Variants in GPHN observed in about 807,000 individuals in gnomAD.
GPHN encodes gephyrin.
Under a neutral mutation model 95.5 loss-of-function variants are expected in GPHN, and 17 were observed. The observed-to-expected ratio is 0.18, with a 90% CI of 0.12 to 0.27. GPHN has a LOEUF of 0.27. Among genes scored for constraint, GPHN ranks in the 10% least tolerant of loss-of-function variants. GPHN has a pLI of 1.00. For synonymous variants in GPHN, 320 were observed against 322.5 expected (o/e 0.99, Z 0.08); for missense variants, 660 against 978.1 (o/e 0.67, Z 4.34).
intron 11 of GPHN, among the ~76,000 whole-genome samples, chr14:67,070,715 A>AATATATATATATATATATATATATATAT (rs1555482658): frequency 2.5e-5 from 2 of 80,702 alleles, no homozygotes; most frequent in African/African-American, 2.5e-4. Flanking sequence ...AAAAAAAAAA[A>AATATATATATATATATATATATATATAT]ATATATATAT....
At chr14:67,249,559 GGA>G in the GPHN span, among the ~76,000 whole-genome samples, 2 of 152,166 alleles carry the variant, frequency 1.3e-5, no homozygotes, top group African/African-American at 4.8e-5. Flanking sequence ...AAATAATTAA[GGA>G]GAGTCAGGTT....
the GPHN span, among the ~76,000 whole-genome samples, chr14:67,205,778 T>C: frequency 1.1e-4 from 17 of 152,200 alleles, no homozygotes; most frequent in African/African-American, 3.9e-4. Flanking sequence ...CGAAGTCTCC[T>C]GTGTAAGGGA....
At chr14:67,553,609 G>A in the GPHN span, among the ~76,000 whole-genome samples, 1 of 152,316 alleles carries the variant, frequency 6.6e-6, no homozygotes, top group Non-Finnish European at 1.5e-5. Context: ...AAGAGGGAAG[G>A]GTTATGCAGT....
chr14:67,029,361 G>A (rs1391739216), intron 10 of GPHN, among the ~76,000 whole-genome samples: 1 of 149,934 alleles, frequency 6.7e-6, no homozygotes, highest in East Asian at 2.0e-4. Context: ...TTTTGAGATG[G>A]AATTTTGCTC....
chr14:66,608,321 TGTTTTTATTGCACTGTG>T (rs2062637310), intron 1 of GPHN, among the ~76,000 whole-genome samples: 1 of 152,134 alleles, frequency 6.6e-6, no homozygotes, highest in Admixed American at 6.5e-5. Flanking sequence ...TGTTGGTTTT[TGTTTTTATTGCACTGTG>T]ATGTGAGAAC....
the GPHN span, among the ~76,000 whole-genome samples, chr14:67,414,965 C>G: frequency 6.6e-6 from 1 of 152,218 alleles, no homozygotes; most frequent in South Asian, 2.1e-4. Context: ...TAACAGAGCT[C>G]AAGGCTGGCT....
chr14:67,555,567 A>C, the GPHN span, among the ~76,000 whole-genome samples: 1 of 152,180 alleles, frequency 6.6e-6, no homozygotes, highest in South Asian at 2.1e-4. Flanking sequence ...ACCCTCCATC[A>C]GGACAAAAGA....
intron 1 of GPHN, among the ~76,000 whole-genome samples, chr14:66,562,243 G>T (rs1235172170): frequency 6.6e-6 from 1 of 152,234 alleles, no homozygotes; most frequent in East Asian, 1.9e-4. Context: ...TCAGTTAGAT[G>T]AATAAATTCT....
the GPHN span, among the ~76,000 whole-genome samples, chr14:67,259,748 AAAAAT>A: frequency 1.3e-5 from 2 of 152,014 alleles, no homozygotes; most frequent in Non-Finnish European, 2.9e-5. Flanking sequence ...CATCTATACA[AAAAAT>A]AAAATAAAAT....
intron 1 of GPHN, among the ~76,000 whole-genome samples, chr14:66,613,236 T>A (rs1473381730): frequency 6.6e-6 from 1 of 152,118 alleles, no homozygotes; most frequent in African/African-American, 2.4e-5. Flanking sequence ...TACTATATAT[T>A]GTTGTTTCAT....
In GPHN at chr14:66,984,515, T is replaced by C. The variant is rs909183523; in HGVS notation, c.963+19190T>C. On this transcript the variant is annotated intron_variant, in intron 9 of 22. Coordinates refer to ENST00000478722, the MANE Select transcript of GPHN (RefSeq NM_020806.5). ...TTGATGCAACTCTTATATAGCAATA[T>C]GCTTTTATTCAAAACGAAAATTCCA... 3.9e-5 allele frequency among the ~76,000 whole-genome samples: 6 copies of C among 152,246 alleles called. No homozygotes were observed. In the South Asian group the frequency reaches 1.2e-3, roughly 31 times the overall value.
At chr14:67,571,937 G>A in the GPHN span, 1 of 1,575,206 alleles carries the variant, frequency 6.3e-7, no homozygotes, top group Non-Finnish European at 8.6e-7. Flanking sequence ...GGGTGCAGCA[G>A]CAAGGAGCCC....
the GPHN span, among the ~76,000 whole-genome samples, chr14:67,322,261 T>C: frequency 4.0e-3 from 606 of 151,994 alleles, 5 homozygotes; most frequent in Non-Finnish European, 5.9e-3. Flanking sequence ...GGTGGGAAAA[T>C]CGCCTGAGCC....
At chr14:67,244,633 T>A in the GPHN span, among the ~76,000 whole-genome samples, 7 of 152,344 alleles carry the variant, frequency 4.6e-5, no homozygotes, top group South Asian at 1.4e-3. Flanking sequence ...GTTTTCAGGT[T>A]TTTTGTGACT....
chr14:67,012,318 G>T (rs189871721), intron 9 of GPHN, among the ~76,000 whole-genome samples: 59 of 152,136 alleles, frequency 3.9e-4, no homozygotes, highest in African/African-American at 1.4e-3. Context: ...TTTATTTATG[G>T]TAAAACTTCA....
At chr14:67,081,297 G>A (rs1390596174) in intron 11 of GPHN, among the ~76,000 whole-genome samples, 3 of 151,986 alleles carry the variant, frequency 2.0e-5, no homozygotes. Context: ...TTTCATTATG[G>A]CCATTCTTGC....
chr14:67,040,472 G>A (rs925983768), intron 10 of GPHN, among the ~76,000 whole-genome samples: 4 of 152,040 alleles, frequency 2.6e-5, no homozygotes, highest in African/African-American at 9.7e-5. Context: ...AATGAACATT[G>A]CCACAATACT....
At chr14:67,560,858 G>A in the GPHN span, among the ~76,000 whole-genome samples, 1 of 151,612 alleles carries the variant, frequency 6.6e-6, no homozygotes, top group Non-Finnish European at 1.5e-5. Flanking sequence ...AGCCTCCTGA[G>A]TAGCTGGGAT....
chr14:66,649,180 C>A (rs1425269989), intron 1 of GPHN, among the ~76,000 whole-genome samples: 3 of 151,884 alleles, frequency 2.0e-5, no homozygotes, highest in Non-Finnish European at 4.4e-5. Flanking sequence ...AAAATACAAT[C>A]GAAATTAGCA....
Sources: gnomAD v4.1 joint callset for allele counts (sites outside exome capture counted in the v4.1 genomes callset) on GRCh38, gnomAD v4.1.1 for gene constraint, MANE v1.5 for transcripts, NCBI Gene and HGNC (gene_info 2026-07-23, HGNC 2026-07-21) for gene names.